Variants in MTUS2 observed in about 807,000 individuals in gnomAD.
MTUS2 encodes microtubule-associated tumor suppressor candidate 2.
Under a neutral mutation model 114.1 loss-of-function variants are expected in MTUS2, and 40 were observed. The ratio of observed to expected loss-of-function variants is 0.35; its 90% CI spans 0.27 to 0.46. MTUS2 has a LOEUF of 0.46. Ranked by LOEUF, MTUS2 falls within the 20% of genes least tolerant of loss-of-function variation. The pLI, the probability that MTUS2 is intolerant of heterozygous loss-of-function variation, is 1.00. For synonymous variants in MTUS2, 688 were observed against 672.0 expected (o/e 1.02, Z -0.37); for missense variants, 1,679 against 1,705.4 (o/e 0.98, Z 0.27).
chr13:29,005,128 C>T (rs3886761), intron 2 of MTUS2, among the ~76,000 whole-genome samples: 66,988 of 151,986 alleles, frequency 0.44, 15,404 homozygotes, highest in East Asian at 0.68. Context: ...TTCCTACAAC[C>T]CCGGCCACTT....
At chr13:29,125,909 A>G (rs1334489322) in intron 5 of MTUS2, among the ~76,000 whole-genome samples, 4 of 152,240 alleles carry the variant, frequency 2.6e-5, no homozygotes, top group Admixed American at 2.6e-4. Flanking sequence ...ATCCACAGAA[A>G]TAAAGTCAGT....
intron 2 of MTUS2, among the ~76,000 whole-genome samples, chr13:29,014,569 A>G (rs1423645883): frequency 2.0e-5 from 3 of 152,186 alleles, no homozygotes; most frequent in African/African-American, 7.2e-5. Flanking sequence ...TAGCTGTTAA[A>G]GGCTGGGAAA....
chr13:29,396,124 C>T (rs1369632326), intron 8 of MTUS2, among the ~76,000 whole-genome samples: 1 of 152,098 alleles, frequency 6.6e-6, no homozygotes, highest in African/African-American at 2.4e-5. Flanking sequence ...CAGAATTTGG[C>T]CAGTTGTGAT....
intron 2 of MTUS2, among the ~76,000 whole-genome samples, chr13:28,893,927 A>G (rs1481042678): frequency 1.3e-5 from 2 of 152,100 alleles, no homozygotes; most frequent in Non-Finnish European, 2.9e-5. Flanking sequence ...TTTGCTAAAG[A>G]TTTGAGATTT....
chr13:28,868,795 C>T (rs997423148), intron 2 of MTUS2, among the ~76,000 whole-genome samples: 3 of 152,128 alleles, frequency 2.0e-5, no homozygotes, highest in Admixed American at 6.5e-5. Flanking sequence ...GGAATAAATT[C>T]AGTTTTATAT....
At chr13:28,876,695 C>G (rs531736938) in intron 2 of MTUS2, among the ~76,000 whole-genome samples, 1 of 152,072 alleles carries the variant, frequency 6.6e-6, no homozygotes, top group South Asian at 2.1e-4. Context: ...ACCCTTGGAT[C>G]GGTCAGACCC....
At chr13:29,481,592 C>A (rs1291785151) in intron 10 of MTUS2, among the ~76,000 whole-genome samples, 1 of 152,132 alleles carries the variant, frequency 6.6e-6, no homozygotes, top group East Asian at 1.9e-4. Flanking sequence ...CTTGGGCTAC[C>A]CTCCTCGGCT....
intron 8 of MTUS2, among the ~76,000 whole-genome samples, chr13:29,373,433 G>A (rs971280284): frequency 6.6e-6 from 1 of 152,210 alleles, no homozygotes; most frequent in Non-Finnish European, 1.5e-5. Context: ...GGGGCACCCA[G>A]GGAACTGGAA....
At chr13:29,068,872 A>G (rs1888782737) in intron 4 of MTUS2, among the ~76,000 whole-genome samples, 2 of 152,318 alleles carry the variant, frequency 1.3e-5, no homozygotes, top group East Asian at 3.9e-4. Context: ...TTATCCTAAG[A>G]GCAAGATGGT....
intron 9 of MTUS2, among the ~76,000 whole-genome samples, chr13:29,454,849 T>C (rs1878988315): frequency 6.6e-6 from 1 of 152,224 alleles, no homozygotes. Context: ...TAGAATCACC[T>C]GGAAGCTTGT....
chr13:29,387,685 A>G (rs2138398499), intron 8 of MTUS2, among the ~76,000 whole-genome samples: 1 of 152,208 alleles, frequency 6.6e-6, no homozygotes, highest in South Asian at 2.1e-4. Context: ...GTTAGGAGAC[A>G]CGTGTGTGGG....
chr13:28,924,406 G>C (rs1156836375), intron 2 of MTUS2, among the ~76,000 whole-genome samples: 5 of 152,242 alleles, frequency 3.3e-5, no homozygotes. Context: ...GTCTTGAAAA[G>C]CTTTGAGAAT....
intron 1 of MTUS2, among the ~76,000 whole-genome samples, chr13:28,834,371 A>T (rs548662301): frequency 2.2e-4 from 34 of 152,260 alleles, no homozygotes; most frequent in Admixed American, 1.7e-3. Flanking sequence ...GCCCAGAAGC[A>T]AACCCTTGCA....
chr13:29,220,283 G>A (rs913746566), intron 5 of MTUS2, among the ~76,000 whole-genome samples: 2 of 152,172 alleles, frequency 1.3e-5, no homozygotes, highest in African/African-American at 4.8e-5. Context: ...TTACAGGCAT[G>A]AGCCACTGCA....
intron 5 of MTUS2, among the ~76,000 whole-genome samples, chr13:29,116,014 T>C (rs1891072831): frequency 6.6e-6 from 1 of 152,192 alleles, no homozygotes; most frequent in African/African-American, 2.4e-5. Context: ...GTCTTTACTG[T>C]GTTGGCATGT....
intron 6 of MTUS2, chr13:29,307,171 G>C: frequency 2.0e-6 from 1 of 499,452 alleles, no homozygotes; most frequent in Non-Finnish European, 3.8e-6. Context: ...CCTGATGTTC[G>C]TGATGGGCGT....
chr13:29,391,444 T>C (rs1306182840), intron 8 of MTUS2, among the ~76,000 whole-genome samples: 4 of 152,162 alleles, frequency 2.6e-5, no homozygotes, highest in African/African-American at 9.7e-5. Flanking sequence ...CCCCAGGGCA[T>C]TGCAGTGCCT....
intron 8 of MTUS2, among the ~76,000 whole-genome samples, chr13:29,396,404 G>A (rs1221285181): frequency 6.6e-6 from 1 of 152,066 alleles, no homozygotes; most frequent in Non-Finnish European, 1.5e-5. Context: ...GCATATAGTG[G>A]GCATTCAGTA....
chr13:29,337,144 G>C (rs561212016), intron 7 of MTUS2, among the ~76,000 whole-genome samples: 3 of 152,004 alleles, frequency 2.0e-5, no homozygotes, highest in Admixed American at 6.5e-5. Flanking sequence ...CTTTCCAGGG[G>C]GGTGAACAGT....
Sources: gnomAD v4.1 joint callset for allele counts (sites outside exome capture counted in the v4.1 genomes callset) on GRCh38, gnomAD v4.1.1 for gene constraint, MANE v1.5 for transcripts, NCBI Gene and HGNC (gene_info 2026-07-23, HGNC 2026-07-21) for gene names.